TRIM2: variants seen among roughly 807,000 people sequenced by gnomAD.
The protein encoded by TRIM2 is tripartite motif containing 2.
TRIM2 carries 20 observed loss-of-function variants against 75.2 expected under a neutral mutation model. The ratio of observed to expected loss-of-function variants is 0.27; its 90% confidence interval spans 0.19 to 0.39. The LOEUF is 0.39. Among genes scored for constraint, TRIM2 ranks in the 10% least tolerant of loss-of-function variants. The pLI is 1.00. For synonymous variants in TRIM2, 373 were observed against 388.3 expected, an observed-to-expected ratio of 0.96 and a Z score of 0.46; for missense variants, 660 against 990.8, an observed-to-expected ratio of 0.67 and a Z score of 4.48.
intron 6 of TRIM2, among the ~76,000 whole-genome samples, chr4:153,311,633 GT>G (rs1159639395): frequency 6.6e-6 from 1 of 151,530 alleles, no homozygotes; most frequent in Non-Finnish European, 1.5e-5. Context: ...AATAGCCTGG[GT>G]TTTATATAGT....
At chr4:153,249,868 C>T (rs901300869) in intron 1 of TRIM2, among the ~76,000 whole-genome samples, 20 of 152,190 alleles carry the variant, frequency 1.3e-4, no homozygotes, top group African/African-American at 4.8e-4. Context: ...GATGTGGACA[C>T]GGATGCAATC....
chr4:153,216,020 A>G (rs894941108), intron 1 of TRIM2, among the ~76,000 whole-genome samples: 6 of 152,342 alleles, frequency 3.9e-5, no homozygotes, highest in East Asian at 1.9e-4. Context: ...AGCCTGACAC[A>G]TATTAAAAAT....
rs530655205 is a variant in TRIM2, at chr4:153,330,228, C to T, written c.2163+1558C>T. Among the ~76,000 whole-genome samples, 8 of 152,204 alleles carry T rather than the reference C, an allele frequency of 5.3e-5. No homozygotes were observed. The South Asian group carries it at 1.7e-3, about 32-fold the overall frequency. Reference sequence around the variant, plus strand: ...AGATGATTTCACCATGGAATTCTTCCAAATGTTTAAAGAATTTAGTAACAA... The same window carrying T: ...AGATGATTTCACCATGGAATTCTTCTAAATGTTTAAAGAATTTAGTAACAA... On this transcript the variant is annotated intron_variant, in intron 11 of 11. Coordinates refer to ENST00000338700, the MANE Select transcript of TRIM2 (RefSeq NM_015271.5).
rs1261230328 is a variant in TRIM2 at position 153,193,170 on chromosome 4, C to T, written c.-49+39900C>T. ...TTTTTGAGGCAGAGTCTCACTCTGT[C>T]GCCCAGGCTGGAATGAAGTGTCGCG... On this transcript the variant is annotated intron_variant, in intron 1 of 11. Coordinates refer to the TRIM2 transcript ENST00000437508. Among the ~76,000 whole-genome samples, 42 of 127,660 alleles carry T rather than the reference C, an allele frequency of 3.3e-4. No individual in the cohort carries two copies. In the Admixed American group the frequency reaches 3.7e-3, roughly 11 times the overall value. The allele number at this position is 127,660 out of a possible 152,430, so 83.7% of individuals were successfully genotyped here. A position where few individuals can be genotyped will look rare whatever the true frequency, so the allele number is the denominator to read the frequency against.
chr4:153,301,009 G>C lies in TRIM2; in HGVS notation c.1510+4973G>C, dbSNP rs192504417. ...AGTTTGAGACTAGCCTAGCCAACAT[G>C]ATGAAACCTCATCTCTACTGAAAAT... is the stretch of plus-strand genomic sequence containing the variant. On this transcript the variant is annotated intron_variant, in intron 6 of 11. Transcript: ENST00000338700. 4.6e-3 allele frequency among the ~76,000 whole-genome samples: 698 copies of C among 152,052 alleles called. 2 individuals are homozygous for C. The highest frequency in any genetic ancestry group is 6.0e-3 in the Non-Finnish European group (411 of 67,978).
chr4:153,284,627 T>A (rs1459129978), intron 3 of TRIM2, among the ~76,000 whole-genome samples: 1 of 152,250 alleles, frequency 6.6e-6, no homozygotes, highest in African/African-American at 2.4e-5. Flanking sequence ...TCATCCTGAC[T>A]TTTGATTCTA....
chr4:153,241,167 C>T (rs1487379072), intron 1 of TRIM2, among the ~76,000 whole-genome samples: 3 of 152,192 alleles, frequency 2.0e-5, no homozygotes, highest in African/African-American at 4.8e-5. Flanking sequence ...CTAACAGATC[C>T]CTTCTACAAG....
chr4:153,277,197 G>A (rs985318782), intron 3 of TRIM2, among the ~76,000 whole-genome samples: 4 of 152,122 alleles, frequency 2.6e-5, no homozygotes, highest in African/African-American at 9.7e-5. Flanking sequence ...TTCCCTCCTC[G>A]GGGCCTGGCT....
At chr4:153,197,482 A>G (rs1191479882) in intron 1 of TRIM2, among the ~76,000 whole-genome samples, 1 of 152,092 alleles carries the variant, frequency 6.6e-6, no homozygotes, top group Non-Finnish European at 1.5e-5. Context: ...CCCTTAATCC[A>G]TCACTGAAAT....
At position 153,294,405 on chromosome 4, in the gene TRIM2, G is replaced by C; in HGVS notation, c.706G>C (p.Asp236His). ...CGTGGATGACATTCATTCCACCTTT[G>C]ATGAGCTCCAGAAGACTTTAAATGT... ...SIVDDIHSTF[D>H]ELQKTLNVRK... The change falls in exon 5 of 12, where the codon GAT becomes CAT. Residue 236 changes from aspartate to histidine, a missense_variant. Asp to His is a moderately conservative substitution (Grantham distance 81). This residue lies in a region of TRIM2 where 620 missense variants were observed against 891.0 expected (regional missense o/e 0.70). Transcript: ENST00000338700. 2 of 1,614,118 alleles carry C rather than the reference G, an allele frequency of 1.2e-6. No individual in the cohort carries two copies. The highest frequency in any genetic ancestry group is 1.7e-6 in the Non-Finnish European group (2 of 1,180,012).
At chr4:153,237,404 G>T (rs1279928154) in intron 1 of TRIM2, among the ~76,000 whole-genome samples, 1 of 152,048 alleles carries the variant, frequency 6.6e-6, no homozygotes, top group African/African-American at 2.4e-5. Flanking sequence ...CAAGAGGCCA[G>T]GAGCAGTGGC....
chr4:153,192,602 CAA>C (rs35750080), intron 1 of TRIM2, among the ~76,000 whole-genome samples: 22,814 of 106,530 alleles, frequency 0.21, 1,886 homozygotes, highest in Non-Finnish European at 0.27. Context: ...GACCCTATCT[CAA>C]AAAAAAAAAA....
At chr4:153,276,152 T>C (rs200747019) in intron 3 of TRIM2, 22 bp downstream of exon 3, 70 of 1,599,336 alleles carry the variant, frequency 4.4e-5, no homozygotes, top group Middle Eastern at 1.7e-4. Context: ...GGATGGCAGA[T>C]ACTGCCCGGG....
At position 153,248,249 on chromosome 4, in the gene TRIM2, G is replaced by T. The variant is rs866639181; in HGVS notation, c.31-22086G>T. ...GAGCTCAGGTGATCCACCTGTCTCA[G>T]CCTCCCAAAGTGCTGAGATTACAGG... On this transcript the variant is annotated intron_variant, in intron 1 of 11. Transcript: ENST00000338700. This position sits in a 1 kb window ranked among gnomAD's most constrained non-coding sequence, Gnocchi z 4.0. 6.6e-6 allele frequency among the ~76,000 whole-genome samples: 1 copy of T among 152,166 alleles called. No individual in the cohort carries two copies. Among genetic ancestry groups the T allele is most frequent in the Non-Finnish European group, 1.5e-5 (1 of 68,028 alleles).
At chr4:153,188,854 C>A (rs6846736) in intron 1 of TRIM2, among the ~76,000 whole-genome samples, 5,310 of 152,160 alleles carry the variant, frequency 0.035, 299 homozygotes, top group African/African-American at 0.12. Context: ...ATTTTACCTT[C>A]AGAAGAAGTT....
At chr4:153,287,442 G>C (rs920425982) in intron 3 of TRIM2, among the ~76,000 whole-genome samples, 2 of 152,098 alleles carry the variant, frequency 1.3e-5, no homozygotes, top group African/African-American at 4.8e-5. Context: ...GAAAAGAAAG[G>C]CTTTCTTTCC....
chr4:153,334,780 T>C lies in TRIM2; in HGVS notation c.2164-34T>C, dbSNP rs776174394. 1.1e-5 allele frequency: 18 copies of C among 1,569,492 alleles called. No homozygotes were observed. In the East Asian group the frequency reaches 3.8e-4, roughly 33 times the overall value. On this transcript the variant is annotated intron_variant, in intron 11 of 11. Transcript: ENST00000338700. ...ATGTTCAGCATATTACTATAACTTC[T>C]CCTATAACATTCTGACTTCCTATTT... is the stretch of plus-strand genomic sequence containing the variant.
At chr4:153,246,931 C>T (rs1749327814) in intron 1 of TRIM2, among the ~76,000 whole-genome samples, 1 of 152,298 alleles carries the variant, frequency 6.6e-6, no homozygotes, top group African/African-American at 2.4e-5. Context: ...GCAATGCCAA[C>T]CTTGAGAGGC....
rs59669782 is a variant in TRIM2 at position 153,207,208 on chromosome 4, T to C, written c.30+2648T>C. Among the ~76,000 whole-genome samples, 1,177 of 152,320 alleles carry C rather than the reference T, an allele frequency of 7.7e-3. 11 individuals carry two copies. The highest frequency in any genetic ancestry group is 0.027 in the African/African-American group (1,121 of 41,576). On this transcript the variant is annotated intron_variant, in intron 1 of 11. Coordinates refer to ENST00000338700, the MANE Select transcript of TRIM2 (RefSeq NM_015271.5). ...CTCTGTGCAAGTTCCCTAACCTCTC[T>C]GTGCCCCAGTTCCCTTATCTGTAAA...
Sources: gnomAD v4.1 joint callset for allele counts (sites outside exome capture counted in the v4.1 genomes callset) on GRCh38, gnomAD v4.1.1 for gene constraint, gnomAD v4.1.1 regional missense constraint, Gnocchi (gnomAD v3.1) non-coding constraint, MANE v1.5 for transcripts, NCBI Gene and HGNC (gene_info 2026-07-23, HGNC 2026-07-21) for gene names.